The following RABGEF1 variants were observed in gnomAD, a reference collection of about 807,000 sequenced individuals.
The protein encoded by RABGEF1 is RAB guanine nucleotide exchange factor 1, also known as rab5 GDP/GTP exchange factor.
In RABGEF1, 26 loss-of-function variants were observed where a neutral mutation model predicts 57.3. The ratio of observed to expected loss-of-function variants is 0.45; its 90% CI spans 0.33 to 0.63. RABGEF1 has a LOEUF of 0.63. RABGEF1 is among the 20% of genes least tolerant of loss of function. The pLI is 0.02. For missense variants in RABGEF1, 464 were observed against 607.6 expected, an observed-to-expected ratio of 0.76 and a Z score of 2.48; for synonymous variants, 185 against 210.7, an observed-to-expected ratio of 0.88 and a Z score of 1.06.
At chr7:66,788,130 T>C (rs953727978) in intron 4 of RABGEF1, among the ~76,000 whole-genome samples, 29 of 152,162 alleles carry the variant, frequency 1.9e-4, no homozygotes, top group Non-Finnish European at 2.2e-4. Flanking sequence ...CTTTAATTTG[T>C]TGGGTATTGC....
chr7:66,737,703 A>C (rs1177304625), upstream of RABGEF1, among the ~76,000 whole-genome samples: 1 of 152,222 alleles, frequency 6.6e-6, no homozygotes, highest in Non-Finnish European at 1.5e-5. Context: ...CAACAACAGC[A>C]AAATAGCAGC....
intron 2 of RABGEF1, among the ~76,000 whole-genome samples, chr7:66,733,664 C>T (rs1183645390): frequency 6.6e-6 from 1 of 151,466 alleles, no homozygotes; most frequent in Non-Finnish European, 1.5e-5. Context: ...TGCCACTGCA[C>T]TCCAGACTGG....
intron 2 of RABGEF1, among the ~76,000 whole-genome samples, chr7:66,717,482 G>T (rs1795540741): frequency 6.6e-6 from 1 of 152,118 alleles, no homozygotes; most frequent in East Asian, 1.9e-4. Flanking sequence ...TTAGGCCAGG[G>T]CGTGGTGGCT....
intron 2 of RABGEF1, among the ~76,000 whole-genome samples, chr7:66,773,083 G>A (rs66559844): frequency 5.2e-5 from 3 of 57,764 alleles, no homozygotes; most frequent in Non-Finnish European, 8.1e-5. Context: ...CTAGTTGTTT[G>A]TTTTTTTTTT....
rs971893870 is a variant in RABGEF1 at position 66,796,515 on chromosome 7, C to T, written c.596-859C>T. 3.3e-5 allele frequency among the ~76,000 whole-genome samples: 5 copies of T among 152,198 alleles called. No homozygotes were observed. In the East Asian group the frequency reaches 9.6e-4, roughly 29 times the overall value. On this transcript the variant is annotated intron_variant, in intron 5 of 8. Transcript: ENST00000284957. ...TTGGCAGGGTGTACACTGTTAGGTCCTGTCAGACAACTTCAGTTAGAACTG... is the reference window on the plus strand; with the variant it reads ...TTGGCAGGGTGTACACTGTTAGGTCTTGTCAGACAACTTCAGTTAGAACTG...
rs201758679 is a variant in RABGEF1 at position 66,701,517 on chromosome 7, T to A, written c.-872-10650T>A. ...CTGACTCTTTTTTTTTTTTTTTTTT[T>A]AATTTTTTGAGACAGAGTTTCGCCC... On this transcript the variant is annotated intron_variant and NMD_transcript_variant, in intron 1 of 9. Coordinates refer to the RABGEF1 transcript ENST00000607882. 8.0e-5 allele frequency among the ~76,000 whole-genome samples: 12 copies of A among 149,278 alleles called. No individual in the cohort carries two copies. In the South Asian group the frequency reaches 8.5e-4, roughly 11 times the overall value.
intron 4 of RABGEF1, 56 bp downstream of exon 4, chr7:66,783,897 A>G: frequency 6.6e-7 from 1 of 1,510,554 alleles, no homozygotes; most frequent in Non-Finnish European, 9.0e-7. Context: ...GAAAGGTCTT[A>G]GAGATAATAT....
At chr7:66,697,568 G>A (rs1266583211) in intron 1 of RABGEF1, among the ~76,000 whole-genome samples, 1 of 152,104 alleles carries the variant, frequency 6.6e-6, no homozygotes, top group Non-Finnish European at 1.5e-5. Flanking sequence ...GGCAGGCGGG[G>A]ACCATGATTC....
the RABGEF1 span, among the ~76,000 whole-genome samples, chr7:66,663,177 C>T: frequency 6.6e-6 from 1 of 152,234 alleles, no homozygotes; most frequent in Non-Finnish European, 1.5e-5. Context: ...CCCATCCCTT[C>T]GTTTCCCATA....
chr7:66,660,472 G>A, the RABGEF1 span, among the ~76,000 whole-genome samples: 1 of 152,036 alleles, frequency 6.6e-6, no homozygotes, highest in Non-Finnish European at 1.5e-5. Context: ...CAAATGAAAT[G>A]GCAAATCTCT....
At chr7:66,754,865 T>C (rs1222988543) in intron 1 of RABGEF1, among the ~76,000 whole-genome samples, 1 of 152,128 alleles carries the variant, frequency 6.6e-6, no homozygotes, top group African/African-American at 2.4e-5. Flanking sequence ...GCTAAAACTA[T>C]GATATGCCTT....
chr7:66,662,400 G>T, the RABGEF1 span, among the ~76,000 whole-genome samples: 1 of 152,222 alleles, frequency 6.6e-6, no homozygotes, highest in African/African-American at 2.4e-5. Context: ...TGAGGCTGCA[G>T]TGAGACTGGG....
upstream of RABGEF1, among the ~76,000 whole-genome samples, chr7:66,736,155 TTAGA>T (rs1290675823): frequency 1.3e-5 from 2 of 152,172 alleles, no homozygotes; most frequent in Non-Finnish European, 1.5e-5. Context: ...CACTCCTGCC[TTAGA>T]TAGACTCAAG....
chr7:66,801,491 T>C (rs1787285877), intron 7 of RABGEF1, among the ~76,000 whole-genome samples: 2 of 152,206 alleles, frequency 1.3e-5, no homozygotes, highest in Non-Finnish European at 2.9e-5. Context: ...ATTCATTCTT[T>C]CTAACTTTTC....
the RABGEF1 span, chr7:66,667,357 T>C: frequency 6.6e-6 from 1 of 152,330 alleles, no homozygotes; most frequent in Admixed American, 6.5e-5. Flanking sequence ...TTCATCCATT[T>C]TGTTCCCGCT....
At chr7:66,805,077 T>G (rs1788145973) in intron 7 of RABGEF1, 63 bp from the exon 8 acceptor site, 5 of 1,501,208 alleles carry the variant, frequency 3.3e-6, no homozygotes, top group African/African-American at 1.4e-5. Context: ...AAACATGATT[T>G]TCCTATTGCT....
intron 2 of RABGEF1, among the ~76,000 whole-genome samples, chr7:66,734,410 A>G (rs1476113946): frequency 6.6e-6 from 1 of 152,088 alleles, no homozygotes; most frequent in Non-Finnish European, 1.5e-5. Flanking sequence ...TTCCTCGTCT[A>G]TGAAGCTGGA....
At chr7:66,766,336 G>T (rs1222544680) in intron 1 of RABGEF1, among the ~76,000 whole-genome samples, 1 of 150,654 alleles carries the variant, frequency 6.6e-6, no homozygotes, top group African/African-American at 2.4e-5. Flanking sequence ...TTAGTGCTTA[G>T]TGATGTCTCT....
At chr7:66,782,987 T>A (rs1321309002) in intron 3 of RABGEF1, among the ~76,000 whole-genome samples, 6 of 152,214 alleles carry the variant, frequency 3.9e-5, no homozygotes, top group Non-Finnish European at 7.3e-5. Flanking sequence ...GTCTCTTGTG[T>A]AAATGTCCCA....
Sources: gnomAD v4.1 joint callset for allele counts (sites outside exome capture counted in the v4.1 genomes callset) on GRCh38, gnomAD v4.1.1 for gene constraint, MANE v1.5 for transcripts, NCBI Gene and HGNC (gene_info 2026-07-23, HGNC 2026-07-21) for gene names.